The following CSNK1A1 variants were observed in gnomAD, a reference collection of about 807,000 sequenced individuals.
CSNK1A1 encodes the protein casein kinase 1 alpha 1.
Under a neutral mutation model 46.1 loss-of-function variants are expected in CSNK1A1, and 7 were observed. That is an observed-to-expected ratio of 0.15 (90% confidence interval 0.09 to 0.29). The LOEUF is 0.29. CSNK1A1 is among the 10% of genes least tolerant of loss of function. CSNK1A1 has a pLI of 1.00. For synonymous variants in CSNK1A1, 137 were observed against 141.5 expected, an observed-to-expected ratio of 0.97 and a Z score of 0.23; for missense variants, 96 against 417.1, an observed-to-expected ratio of 0.23 and a Z score of 6.71.
At chr5:149,534,101 G>A (rs572726137) in intron 2 of CSNK1A1, among the ~76,000 whole-genome samples, 3 of 152,262 alleles carry the variant, frequency 2.0e-5, no homozygotes, top group African/African-American at 7.2e-5. Context: ...CAATAAAGCT[G>A]ATGAAGAACT....
chr5:149,508,715 G>A (rs1249266068), intron 7 of CSNK1A1, among the ~76,000 whole-genome samples: 1 of 152,142 alleles, frequency 6.6e-6, no homozygotes, highest in Non-Finnish European at 1.5e-5. Flanking sequence ...TGTACTAATT[G>A]TTGATAACCT....
intron 3 of CSNK1A1, among the ~76,000 whole-genome samples, chr5:149,521,708 C>T (rs576159171): frequency 6.6e-6 from 1 of 152,058 alleles, no homozygotes; most frequent in Admixed American, 6.5e-5. Flanking sequence ...CCTCTGCCTC[C>T]TGGGTTCAAG....
chr5:149,531,518 C>CA lies in CSNK1A1; in HGVS notation c.231-6348dup, dbSNP rs755448888. ...GGGCAACAAGAACAAAACTCTGTCTCAAAAAAAAAAGAAAGAAAGAAAAGA... is the reference window on the plus strand; with the variant it reads ...GGGCAACAAGAACAAAACTCTGTCTCAAAAAAAAAAAGAAAGAAAGAAAAGA... On this transcript the variant is annotated intron_variant, in intron 2 of 9. Transcript: ENST00000377843. Among the ~76,000 whole-genome samples, 206 of 121,254 alleles carry CA rather than the reference C, an allele frequency of 1.7e-3. 1 individual carries two copies. The highest frequency in any genetic ancestry group is 8.7e-3 in the East Asian group (38 of 4,390). 79.5% of individuals were successfully genotyped at this position (121,254 alleles called of 152,430 possible).
At position 149,495,902 on chromosome 5, in the gene CSNK1A1, G is replaced by T. The variant is rs1362665567; in HGVS notation, c.*951C>A. 6.6e-6 allele frequency: 1 copy of T among 152,498 alleles called. No individual in the cohort carries two copies. The highest frequency in any genetic ancestry group is 1.5e-5 in the Non-Finnish European group (1 of 68,034). 9.4% of individuals were successfully genotyped at this position (152,498 alleles called of 1,614,324 possible). ...ACCATGTAACAAATGGCTTGAAGTA[G>T]TCTATCAAAAAATTGGGGAGATTTT... On this transcript the variant is annotated 3_prime_UTR_variant, in exon 10 of 10. Coordinates refer to ENST00000377843, the MANE Select transcript of CSNK1A1 (RefSeq NM_001892.6).
rs1407927662 is a variant in CSNK1A1 at position 149,515,885 on chromosome 5, G to A, written c.457-2676C>T. ...GCATTTTTACTATAGGCTTTTATGT[G>A]CAAAGACACAGGCACTTCCTTCAGT... On this transcript the variant is annotated intron_variant, in intron 4 of 9. Coordinates refer to ENST00000377843, the MANE Select transcript of CSNK1A1 (RefSeq NM_001892.6). Among the ~76,000 whole-genome samples the A allele has an allele frequency of 2.0e-5, 3 of 152,220 alleles. No homozygotes were observed. In the East Asian group the frequency reaches 5.8e-4, roughly 29 times the overall value.
At chr5:149,514,502 T>C (rs1761337153) in intron 4 of CSNK1A1, among the ~76,000 whole-genome samples, 1 of 152,214 alleles carries the variant, frequency 6.6e-6, no homozygotes, top group African/African-American at 2.4e-5. Context: ...CTATGTGCCC[T>C]TACACTATAT....
chr5:149,513,628 G>A (rs1268941324), intron 4 of CSNK1A1, among the ~76,000 whole-genome samples: 1 of 152,114 alleles, frequency 6.6e-6, no homozygotes, highest in Non-Finnish European at 1.5e-5. Context: ...GGCCGAGCGC[G>A]GTAGCTCACG....
chr5:149,501,929 A>T, intron 9 of CSNK1A1: 1 of 942,966 alleles, frequency 1.1e-6, no homozygotes, highest in Non-Finnish European at 1.3e-6. Context: ...CATGAATAAA[A>T]ACAGTAATTA....
At chr5:149,511,572 T>C (rs545531820) in intron 6 of CSNK1A1, among the ~76,000 whole-genome samples, 17 of 152,320 alleles carry the variant, frequency 1.1e-4, no homozygotes, top group African/African-American at 4.1e-4. Context: ...GGGTACCAGC[T>C]TACTGTCTCT....
Position 149,507,024 on chromosome 5 carries a change from G to T in CSNK1A1, c.857+3C>A. ...ATAATCTTAAAATACCTTAAAAACTGACCTGAAAAGAATGCGGAATAGCTG... is the reference window on the plus strand; with the variant it reads ...ATAATCTTAAAATACCTTAAAAACTTACCTGAAAAGAATGCGGAATAGCTG... On this transcript the variant is annotated splice_donor_region_variant and intron_variant, in intron 8 of 9. Coordinates refer to ENST00000377843, the MANE Select transcript of CSNK1A1 (RefSeq NM_001892.6). 1 of 1,606,996 alleles carries T rather than the reference G, an allele frequency of 6.2e-7. No homozygotes were observed. Among genetic ancestry groups the T allele is most frequent in the South Asian group, 1.1e-5 (1 of 89,496 alleles).
intron 9 of CSNK1A1, chr5:149,502,329 T>C (rs959334590): frequency 3.1e-6 from 3 of 968,958 alleles, no homozygotes; most frequent in Non-Finnish European, 3.7e-6. Flanking sequence ...AAGAGTAATA[T>C]AAAAAGCACC....
At chr5:149,501,975 AGAT>A (rs761598012) in intron 9 of CSNK1A1, 160 of 935,786 alleles carry the variant, frequency 1.7e-4, no homozygotes, top group Non-Finnish European at 2.0e-4. Context: ...AAACTAGTAT[AGAT>A]AATAAGTGGC....
At chr5:149,497,077 A>G in intron 9 of CSNK1A1, 2 of 1,347,522 alleles carry the variant, frequency 1.5e-6, no homozygotes, top group Non-Finnish European at 1.9e-6. Context: ...TCTAGGAAGG[A>G]GTGGTACAGT....
At chr5:149,524,918 A>AT (rs544256214) in intron 3 of CSNK1A1, 127 bp downstream of exon 3, 79 of 785,296 alleles carry the variant, frequency 1.0e-4, no homozygotes, top group Non-Finnish European at 1.3e-4. Context: ...TCACATTATT[A>AT]TTTTTTTTCT....
Position 149,496,646 on chromosome 5 carries a change from T to C in CSNK1A1, c.*207A>G, listed in dbSNP as rs1239922978. 3 of 481,744 alleles carry C rather than the reference T, an allele frequency of 6.2e-6. No individual in the cohort carries two copies. The highest frequency in any genetic ancestry group is 1.0e-5 in the Non-Finnish European group (3 of 292,988). 29.8% of individuals were successfully genotyped at this position (481,744 alleles called of 1,614,324 possible). Reference sequence around the variant, plus strand: ...CCATGTTTCACTATCTCAGTTAATATTCACAATTACAGAGGCTACAACTCA... The same window carrying C: ...CCATGTTTCACTATCTCAGTTAATACTCACAATTACAGAGGCTACAACTCA... On this transcript the variant is annotated 3_prime_UTR_variant, in exon 10 of 10. Transcript: ENST00000377843.
chr5:149,515,948 A>C (rs1399577169), intron 4 of CSNK1A1, among the ~76,000 whole-genome samples: 1 of 152,226 alleles, frequency 6.6e-6, no homozygotes, highest in East Asian at 1.9e-4. Context: ...TACTAACTAC[A>C]TGTTATGAGT....
intron 3 of CSNK1A1, among the ~76,000 whole-genome samples, chr5:149,523,129 C>T (rs892820980): frequency 6.6e-6 from 1 of 151,772 alleles, no homozygotes; most frequent in African/African-American, 2.4e-5. Flanking sequence ...CAATCTCCAC[C>T]TCCTGGGTTC....
Position 149,498,442 on chromosome 5 carries a change from C to T in CSNK1A1, c.1007-1582G>A, listed in dbSNP as rs1760724661. On this transcript the variant is annotated intron_variant, in intron 9 of 9. Transcript: ENST00000377843. ...TCTTTTAAAGGTTGTCAAACCAAAC[C>T]TTAATAAAAATCTGACTATACCCTG... 6.1e-6 allele frequency: 6 copies of T among 985,108 alleles called. No individual in the cohort carries two copies. The South Asian group carries it at 2.3e-4, about 39-fold the overall frequency. 61.0% of individuals were successfully genotyped at this position (985,108 alleles called of 1,614,324 possible).
chr5:149,521,940 C>CA (rs1761585071), intron 3 of CSNK1A1, among the ~76,000 whole-genome samples: 1 of 152,122 alleles, frequency 6.6e-6, no homozygotes, highest in Non-Finnish European at 1.5e-5. Flanking sequence ...TATGTACTGT[C>CA]AAGCTCCACT....
Sources: allele counts gnomAD v4.1 joint callset (sites outside exome capture counted in the v4.1 genomes callset), GRCh38; gene constraint gnomAD v4.1.1; transcripts MANE v1.5; gene names NCBI Gene and HGNC (gene_info 2026-07-23, HGNC 2026-07-21).